The following DNER variants were observed in gnomAD, a reference collection of about 807,000 sequenced individuals.
The protein encoded by DNER is delta and Notch-like epidermal growth factor-related receptor.
DNER carries 33 observed loss-of-function variants against 78.2 expected under a neutral mutation model. The ratio of observed to expected loss-of-function variants is 0.42; its 90% CI spans 0.32 to 0.56. The LOEUF is 0.56. Among genes scored for constraint, DNER ranks in the 20% least tolerant of loss-of-function variants. DNER has a pLI of 0.11. For missense variants in DNER, 918 were observed against 975.3 expected (o/e 0.94, Z 0.78); for synonymous variants, 417 against 384.8 (o/e 1.08, Z -0.98).
intron 1 of DNER, among the ~76,000 whole-genome samples, chr2:229,600,372 T>G (rs1250953591): frequency 1.3e-5 from 2 of 152,094 alleles, no homozygotes; most frequent in East Asian, 3.9e-4. Context: ...ATCTAGACAG[T>G]ACAGACTTTG....
chr2:229,682,665 TG>T (rs1373938616), intron 1 of DNER, among the ~76,000 whole-genome samples: 1 of 152,102 alleles, frequency 6.6e-6, no homozygotes, highest in Non-Finnish European at 1.5e-5. Flanking sequence ...CTGGCCAACA[TG>T]GTGAAACCCC....
At chr2:229,374,633 G>C (rs529427960) in intron 11 of DNER, among the ~76,000 whole-genome samples, 3 of 152,124 alleles carry the variant, frequency 2.0e-5, no homozygotes, top group Non-Finnish European at 4.4e-5. Context: ...GAGACTCTAA[G>C]AGGAAAGCTA....
intron 11 of DNER, among the ~76,000 whole-genome samples, chr2:229,387,715 C>G (rs373116025): frequency 2.0e-4 from 30 of 152,114 alleles, no homozygotes; most frequent in African/African-American, 6.3e-4. Flanking sequence ...ATTAGTTCAC[C>G]CTAAGAGATC....
At chr2:229,388,499 A>G in intron 10 of DNER, 103 bp from the exon 11 acceptor site, 1 of 1,339,852 alleles carries the variant, frequency 7.5e-7, no homozygotes, top group Non-Finnish European at 9.7e-7. Context: ...CATAACCTTT[A>G]GCAATAGAGC....
chr2:229,448,162 C>A (rs1694378237), intron 7 of DNER, among the ~76,000 whole-genome samples: 1 of 151,902 alleles, frequency 6.6e-6, no homozygotes, highest in South Asian at 2.1e-4. Context: ...GATCTACCCA[C>A]ACAATGAAAT....
chr2:229,696,489 A>T (rs1448128245), intron 1 of DNER, among the ~76,000 whole-genome samples: 1 of 152,162 alleles, frequency 6.6e-6, no homozygotes. Context: ...TTTCCTCTTC[A>T]GTGGAGTGAG....
intron 5 of DNER, among the ~76,000 whole-genome samples, chr2:229,539,768 C>T (rs909843032): frequency 6.6e-6 from 1 of 152,164 alleles, no homozygotes; most frequent in Admixed American, 6.5e-5. Flanking sequence ...GCTCACCTTC[C>T]GAGATTCCAA....
At chr2:229,483,733 G>T (rs1695214742) in intron 6 of DNER, among the ~76,000 whole-genome samples, 1 of 152,148 alleles carries the variant, frequency 6.6e-6, no homozygotes, top group South Asian at 2.1e-4. Context: ...TGTTTCCTCT[G>T]ACTCTGCAGC....
intron 3 of DNER, chr2:229,587,058 G>A (rs545413988): frequency 3.2e-6 from 3 of 932,276 alleles, no homozygotes; most frequent in South Asian, 5.0e-5. Context: ...GAGTCTCAGA[G>A]AATGGCAGGT....
intron 6 of DNER, among the ~76,000 whole-genome samples, chr2:229,486,789 G>C (rs1695285037): frequency 1.3e-5 from 2 of 152,148 alleles, no homozygotes; most frequent in Admixed American, 1.3e-4. Flanking sequence ...TTAGAGCAGT[G>C]GTTCTCAAAA....
chr2:229,607,940 T>C (rs1440820008), intron 1 of DNER, among the ~76,000 whole-genome samples: 2 of 145,252 alleles, frequency 1.4e-5, no homozygotes, highest in African/African-American at 5.1e-5. Context: ...AAGAATCGCT[T>C]GAACCCAGGA....
rs577093676 is a variant in DNER at position 229,702,640 on chromosome 2, G to T, written c.276+11508C>A. On this transcript the variant is annotated intron_variant, in intron 1 of 12. Transcript: ENST00000341772. ...CAGGTTAAGAATCCTGGTTCTGGCC[G>T]GGCACGGTGGCTCACGCCTGTAATC... Among the ~76,000 whole-genome samples, 19 of 152,086 alleles carry T rather than the reference G, an allele frequency of 1.2e-4. No homozygotes were observed. In the South Asian group the frequency reaches 3.7e-3, roughly 30 times the overall value.
rs571236350 is a variant in DNER at position 229,623,535 on chromosome 2, G to A, written c.277-31647C>T. ...CCGGGCATGAGCTACTTGTCCTTAG[G>A]GGAGGCCTGCTACTGGGAGCCCGAG... On this transcript the variant is annotated intron_variant, in intron 1 of 12. Transcript: ENST00000341772. 1.4e-4 allele frequency among the ~76,000 whole-genome samples: 22 copies of A among 152,302 alleles called. No individual in the cohort carries two copies. The South Asian group carries it at 4.6e-3, about 32-fold the overall frequency.
chr2:229,441,787 T>C (rs1299053435), intron 8 of DNER, among the ~76,000 whole-genome samples: 2 of 152,152 alleles, frequency 1.3e-5, no homozygotes, highest in African/African-American at 4.8e-5. Flanking sequence ...ATCCGTGTTA[T>C]GTGGAATTGT....
intron 1 of DNER, among the ~76,000 whole-genome samples, chr2:229,598,596 TG>T (rs1697767238): frequency 6.6e-6 from 1 of 151,830 alleles, no homozygotes; most frequent in African/African-American, 2.4e-5. Flanking sequence ...AGGGAGAGAA[TG>T]GATCTGATCA....
At chr2:229,633,083 T>C (rs1451471281) in intron 1 of DNER, among the ~76,000 whole-genome samples, 1 of 152,132 alleles carries the variant, frequency 6.6e-6, no homozygotes, top group East Asian at 1.9e-4. Flanking sequence ...AATAAGTAAA[T>C]AAGTGACATA....
chr2:229,400,305 TTAG>T (rs1693240036), intron 10 of DNER, among the ~76,000 whole-genome samples: 1 of 151,944 alleles, frequency 6.6e-6, no homozygotes. Flanking sequence ...TGTCCATGGG[TTAG>T]TATACACATG....
intron 1 of DNER, among the ~76,000 whole-genome samples, chr2:229,697,336 T>A (rs1384679235): frequency 1.3e-5 from 2 of 152,160 alleles, no homozygotes; most frequent in Non-Finnish European, 2.9e-5. Flanking sequence ...TGGTTGCCAG[T>A]GACTGGGAGG....
At chr2:229,564,106 C>A (rs1321926778) in intron 4 of DNER, among the ~76,000 whole-genome samples, 3 of 148,848 alleles carry the variant, frequency 2.0e-5, no homozygotes, top group Non-Finnish European at 3.0e-5. Flanking sequence ...TCATCAACAT[C>A]ATCACCCCAT....
Sources: allele counts gnomAD v4.1 joint callset (sites outside exome capture counted in the v4.1 genomes callset), GRCh38; gene constraint gnomAD v4.1.1; transcripts MANE v1.5; gene names NCBI Gene and HGNC (gene_info 2026-07-23, HGNC 2026-07-21).